The following PDE7B variants were observed in gnomAD, a reference collection of about 807,000 sequenced individuals.
The protein encoded by PDE7B is phosphodiesterase 7B.
A neutral mutation model predicts 56.2 loss-of-function variants in PDE7B; 29 were observed. That is an observed-to-expected ratio of 0.52 (90% CI 0.38 to 0.70). The LOEUF is 0.70. Among genes scored for constraint, PDE7B ranks in the 30% least tolerant of loss-of-function variants. The probability of loss-of-function intolerance (pLI) is 0.00; values close to 1 mark genes in which losing one functional copy is unlikely to be tolerated. For missense variants in PDE7B, 490 were observed against 565.0 expected (o/e 0.87, Z 1.35); for synonymous variants, 197 against 196.9 (o/e 1.00, Z 0.00).
chr6:136,100,055 G>C (rs1334920295), intron 2 of PDE7B, among the ~76,000 whole-genome samples: 3 of 152,108 alleles, frequency 2.0e-5, no homozygotes, highest in African/African-American at 7.2e-5. Flanking sequence ...GCTTGTTTTT[G>C]TCAGGTTTGT....
At chr6:135,887,534 C>A (rs1775731418) in intron 1 of PDE7B, among the ~76,000 whole-genome samples, 1 of 152,054 alleles carries the variant, frequency 6.6e-6, no homozygotes, top group South Asian at 2.1e-4. Flanking sequence ...CCAATATTGA[C>A]AAAGATACTA....
intron 3 of PDE7B, among the ~76,000 whole-genome samples, chr6:136,134,114 C>T (rs1479083432): frequency 1.3e-5 from 2 of 152,134 alleles, no homozygotes; most frequent in East Asian, 1.9e-4. Flanking sequence ...GGAACGAATC[C>T]GTTGGTGGTA....
Position 136,158,849 on chromosome 6 carries a change from C to G in PDE7B, c.711+3091C>G, listed in dbSNP as rs565287543. Among the ~76,000 whole-genome samples the G allele has an allele frequency of 2.6e-5, 4 of 152,330 alleles. No homozygotes were observed. In the South Asian group the frequency reaches 8.3e-4, roughly 32 times the overall value. On this transcript the variant is annotated intron_variant, in intron 8 of 12. Transcript: ENST00000308191. ...ATTTACTTTCTGTTCCTTCACCCTC[C>G]AACCCCACACATACAAATTTAATGG... is the stretch of plus-strand genomic sequence containing the variant.
chr6:135,948,027 G>T (rs1469860985), intron 2 of PDE7B, among the ~76,000 whole-genome samples: 1 of 151,996 alleles, frequency 6.6e-6, no homozygotes. Flanking sequence ...ATAATCATTT[G>T]TTCTTGTAGG....
chr6:135,926,420 G>C (rs1774191264), intron 1 of PDE7B, among the ~76,000 whole-genome samples: 1 of 152,114 alleles, frequency 6.6e-6, no homozygotes, highest in East Asian at 1.9e-4. Flanking sequence ...GCTTGAGGAA[G>C]AGTGGGCGGT....
chr6:136,078,683 A>ACCTG (rs990219111), intron 2 of PDE7B, among the ~76,000 whole-genome samples: 1 of 152,124 alleles, frequency 6.6e-6, no homozygotes, highest in African/African-American at 2.4e-5. Flanking sequence ...TGTGCAAAAA[A>ACCTG]CCTGCCGTCT....
intron 2 of PDE7B, chr6:136,037,476 T>C (rs1776342613): frequency 1.0e-6 from 1 of 985,190 alleles, no homozygotes. Flanking sequence ...GCGAGAGTGA[T>C]CAAACTGAGG....
intron 1 of PDE7B, among the ~76,000 whole-genome samples, chr6:135,872,515 A>C (rs1428962751): frequency 6.6e-6 from 1 of 152,202 alleles, no homozygotes; most frequent in East Asian, 1.9e-4. Flanking sequence ...TGTCAAATGC[A>C]AGTGTTCACA....
intron 2 of PDE7B, among the ~76,000 whole-genome samples, chr6:136,091,752 T>C (rs1777391044): frequency 1.3e-5 from 2 of 152,262 alleles, no homozygotes; most frequent in African/African-American, 4.8e-5. Context: ...TGCTGAAATA[T>C]TCAATTCCCT....
chr6:136,014,077 T>G lies in PDE7B; in HGVS notation c.82+66553T>G, dbSNP rs574674046. Among the ~76,000 whole-genome samples, 89 of 152,344 alleles carry G rather than the reference T, an allele frequency of 5.8e-4. 2 individuals carry two copies. The highest frequency in any genetic ancestry group is 5.7e-4 in the Non-Finnish European group (39 of 68,034). On this transcript the variant is annotated intron_variant, in intron 2 of 12. Transcript: ENST00000308191. ...TTGTTCTTTTAGAATTCAAAGGAAT[T>G]TTTCCTTAAAAGCCCCATTTAAATT...
At chr6:135,981,372 C>T (rs1775293104) in intron 2 of PDE7B, among the ~76,000 whole-genome samples, 2 of 151,560 alleles carry the variant, frequency 1.3e-5, no homozygotes, top group South Asian at 4.2e-4. Flanking sequence ...CAGCATGGCA[C>T]ATGTACACAT....
At chr6:136,028,047 A>C (rs1372919720) in intron 2 of PDE7B, among the ~76,000 whole-genome samples, 1 of 152,222 alleles carries the variant, frequency 6.6e-6, no homozygotes, top group Non-Finnish European at 1.5e-5. Context: ...CTTGTAAACA[A>C]TTTTAAGAGA....
chr6:136,181,360 T>C (rs370042198), intron 11 of PDE7B, 37 bp downstream of exon 11: 9 of 1,258,430 alleles, frequency 7.2e-6, no homozygotes, highest in Non-Finnish European at 1.1e-5. Context: ...TTCATTGCCC[T>C]GTCTTCTTTT....
chr6:136,044,303 T>G (rs1776462474), intron 2 of PDE7B: 1 of 152,170 alleles, frequency 6.6e-6, no homozygotes, highest in Non-Finnish European at 1.5e-5. Context: ...GAACATTCTG[T>G]TTTTTTCATG....
chr6:136,153,613 T>G (rs1369242882), intron 6 of PDE7B, among the ~76,000 whole-genome samples: 1 of 152,196 alleles, frequency 6.6e-6, no homozygotes, highest in Non-Finnish European at 1.5e-5. Flanking sequence ...TTCATTGGTA[T>G]TTGTTATTCA....
chr6:136,116,748 T>A (rs1777837539), intron 3 of PDE7B, among the ~76,000 whole-genome samples: 1 of 151,836 alleles, frequency 6.6e-6, no homozygotes, highest in Non-Finnish European at 1.5e-5. Context: ...AGAGGAGAGG[T>A]CTATTTTGGG....
At chr6:135,933,007 C>T (rs1260021775) in intron 1 of PDE7B, among the ~76,000 whole-genome samples, 2 of 152,092 alleles carry the variant, frequency 1.3e-5, no homozygotes, top group African/African-American at 4.8e-5. Flanking sequence ...TGCTGAAAAC[C>T]TTCTGTGTGT....
intron 2 of PDE7B, among the ~76,000 whole-genome samples, chr6:136,089,216 A>G (rs1258854591): frequency 2.0e-5 from 3 of 152,228 alleles, no homozygotes; most frequent in African/African-American, 4.8e-5. Context: ...GCTTTAGCTC[A>G]TAACAACACT....
intron 12 of PDE7B, among the ~76,000 whole-genome samples, chr6:136,188,390 A>G (rs1185334854): frequency 2.0e-5 from 3 of 152,164 alleles, no homozygotes; most frequent in Non-Finnish European, 4.4e-5. Flanking sequence ...AAGATAATAC[A>G]GAGTTGCTGG....
Sources: gnomAD v4.1 joint callset for allele counts (sites outside exome capture counted in the v4.1 genomes callset) on GRCh38, gnomAD v4.1.1 for gene constraint, MANE v1.5 for transcripts, NCBI Gene and HGNC (gene_info 2026-07-23, HGNC 2026-07-21) for gene names.